The following MYO1B variants were observed in gnomAD, a reference collection of about 807,000 sequenced individuals.
The protein encoded by MYO1B is myosin IB.
MYO1B carries 72 observed loss-of-function variants against 159.7 expected under a neutral mutation model. That is an observed-to-expected ratio of 0.45 (90% CI 0.37 to 0.55). MYO1B has a LOEUF of 0.55. MYO1B is among the 20% of genes least tolerant of loss of function. The pLI is 0.00. For synonymous variants in MYO1B, 468 were observed against 473.8 expected (o/e 0.99, Z 0.16); for missense variants, 1,062 against 1,364.8 (o/e 0.78, Z 3.50).
intron 4 of MYO1B, among the ~76,000 whole-genome samples, chr2:191,337,805 G>A (rs1186824874): frequency 6.6e-6 from 1 of 152,120 alleles, no homozygotes; most frequent in Admixed American, 6.5e-5. Flanking sequence ...ACCAGACTTT[G>A]AAATATGGTG....
At chr2:191,340,289 A>T (rs951529293) in intron 4 of MYO1B, among the ~76,000 whole-genome samples, 2 of 151,912 alleles carry the variant, frequency 1.3e-5, no homozygotes, top group Non-Finnish European at 2.9e-5. Flanking sequence ...ATCATATTAA[A>T]AGCTCTGAGA....
At chr2:191,328,621 T>A (rs1329152208) in intron 3 of MYO1B, among the ~76,000 whole-genome samples, 2 of 152,340 alleles carry the variant, frequency 1.3e-5, no homozygotes, top group South Asian at 4.1e-4. Flanking sequence ...TACTGTCTTA[T>A]CCATCCTGCA....
At chr2:191,398,731 C>A (rs1430093626) in intron 21 of MYO1B, among the ~76,000 whole-genome samples, 1 of 151,968 alleles carries the variant, frequency 6.6e-6, no homozygotes, top group East Asian at 1.9e-4. Flanking sequence ...AGGCGCTCCT[C>A]GCTTCCTAGA....
At chr2:191,307,869 T>C (rs886723650) in intron 3 of MYO1B, among the ~76,000 whole-genome samples, 3 of 152,144 alleles carry the variant, frequency 2.0e-5, no homozygotes, top group Non-Finnish European at 4.4e-5. Flanking sequence ...GTGGAAGAGC[T>C]GCAGAGGGCA....
chr2:191,387,494 A>AC, intron 17 of MYO1B, 44 bp downstream of exon 17: 3 of 1,525,560 alleles, frequency 2.0e-6, no homozygotes, highest in Non-Finnish European at 2.7e-6. Flanking sequence ...ATGTGAGAGC[A>AC]CCCCGAAGGA....
chr2:191,303,507 T>C (rs1382049020), intron 3 of MYO1B, among the ~76,000 whole-genome samples: 1 of 152,238 alleles, frequency 6.6e-6, no homozygotes, highest in Non-Finnish European at 1.5e-5. Context: ...ATTCATTTAC[T>C]GAGCAAATAT....
chr2:191,400,557 C>A, intron 22 of MYO1B, 89 bp downstream of exon 22: 1 of 1,481,606 alleles, frequency 6.7e-7, no homozygotes, highest in Non-Finnish European at 9.4e-7. Context: ...GAAAATGTTT[C>A]ACTGGCTTGA....
chr2:191,361,639 G>A (rs1259055178), intron 8 of MYO1B, among the ~76,000 whole-genome samples: 1 of 151,158 alleles, frequency 6.6e-6, no homozygotes. Flanking sequence ...ATATGTAGAA[G>A]TATCTACATA....
At chr2:191,350,289 A>T in intron 7 of MYO1B, 64 bp downstream of exon 7, 1 of 1,216,992 alleles carries the variant, frequency 8.2e-7, no homozygotes, top group Non-Finnish European at 1.2e-6. Context: ...TTTATAGTAG[A>T]ATAGTTTAGA....
chr2:191,387,109 T>A, intron 16 of MYO1B, 115 bp from the exon 17 acceptor site: 1 of 1,040,312 alleles, frequency 9.6e-7, no homozygotes, highest in Non-Finnish European at 1.4e-6. Context: ...TGTCAGGGAT[T>A]TTTTGATGGT....
chr2:191,406,870 A>G (rs940506985), intron 24 of MYO1B, among the ~76,000 whole-genome samples: 1 of 152,238 alleles, frequency 6.6e-6, no homozygotes, highest in Non-Finnish European at 1.5e-5. Flanking sequence ...AAAACTGCCT[A>G]TAAGGTATAT....
At chr2:191,389,428 C>CT (rs372076313) in intron 17 of MYO1B, among the ~76,000 whole-genome samples, 1 of 152,248 alleles carries the variant, frequency 6.6e-6, no homozygotes, top group African/African-American at 2.4e-5. Flanking sequence ...GACAGGGCAG[C>CT]TCCTTCTGTT....
chr2:191,347,553 A>AT (rs1692647182), intron 6 of MYO1B, among the ~76,000 whole-genome samples: 1 of 152,240 alleles, frequency 6.6e-6, no homozygotes, highest in African/African-American at 2.4e-5. Context: ...AAAAACCCAT[A>AT]TTGCTTAAAA....
At chr2:191,284,189 G>A (rs13411957) in intron 2 of MYO1B, among the ~76,000 whole-genome samples, 5,993 of 152,278 alleles carry the variant, frequency 0.039, 402 homozygotes, top group African/African-American at 0.14. Flanking sequence ...AAGCAGTTCG[G>A]CACAGGGGAC....
At chr2:191,288,313 C>A (rs910883022) in intron 2 of MYO1B, among the ~76,000 whole-genome samples, 3 of 151,352 alleles carry the variant, frequency 2.0e-5, no homozygotes, top group Non-Finnish European at 4.4e-5. Flanking sequence ...AACCTAACGT[C>A]TTATGTCACT....
chr2:191,357,662 G>A (rs1052537358), intron 7 of MYO1B, among the ~76,000 whole-genome samples: 2 of 152,218 alleles, frequency 1.3e-5, no homozygotes, highest in Non-Finnish European at 2.9e-5. Context: ...AGGCAGAAGA[G>A]AAGGCCGTGC....
intron 13 of MYO1B, among the ~76,000 whole-genome samples, chr2:191,374,656 G>T (rs576898544): frequency 5.3e-5 from 8 of 152,138 alleles, no homozygotes; most frequent in Non-Finnish European, 1.0e-4. Flanking sequence ...CATGTGATCC[G>T]ATGTCAGTTT....
intron 3 of MYO1B, among the ~76,000 whole-genome samples, chr2:191,298,507 T>C (rs1689116898): frequency 6.6e-6 from 1 of 152,178 alleles, no homozygotes; most frequent in African/African-American, 2.4e-5. Flanking sequence ...TCCTAGGTCT[T>C]ACTTCTCATA....
At chr2:191,311,586 A>G (rs1163047090) in intron 3 of MYO1B, among the ~76,000 whole-genome samples, 3 of 152,112 alleles carry the variant, frequency 2.0e-5, no homozygotes, top group Non-Finnish European at 2.9e-5. Flanking sequence ...TGCTGCTTCT[A>G]TCTATATTTA....
Sources: allele counts gnomAD v4.1 joint callset (sites outside exome capture counted in the v4.1 genomes callset), GRCh38; gene constraint gnomAD v4.1.1; transcripts MANE v1.5; gene names NCBI Gene and HGNC (gene_info 2026-07-23, HGNC 2026-07-21).